CDH18: variants seen among roughly 807,000 people sequenced by gnomAD.
The protein encoded by CDH18 is cadherin-18.
In CDH18, 31 loss-of-function variants were observed where a neutral mutation model predicts 67.9. The observed-to-expected ratio is 0.46, with a 90% confidence interval of 0.34 to 0.62. The LOEUF (loss-of-function observed/expected upper bound fraction) is 0.62. Ranked by LOEUF, CDH18 falls within the 20% of genes least tolerant of loss-of-function variation. The pLI is 0.01. For synonymous variants in CDH18, 362 were observed against 347.2 expected (o/e 1.04, Z -0.48); for missense variants, 890 against 975.5 (o/e 0.91, Z 1.17).
At chr5:19,983,936 TA>T (rs1479225878) in intron 1 of CDH18, among the ~76,000 whole-genome samples, 1 of 152,172 alleles carries the variant, frequency 6.6e-6, no homozygotes, top group African/African-American at 2.4e-5. Flanking sequence ...CTAAATATGG[TA>T]GGGACACCCA....
chr5:19,722,895 A>C (rs944894929), intron 4 of CDH18, among the ~76,000 whole-genome samples: 1 of 152,128 alleles, frequency 6.6e-6, no homozygotes, highest in Admixed American at 6.6e-5. Flanking sequence ...TTTAGTAATT[A>C]TGTCAATGAC....
At chr5:19,564,868 A>C (rs1740082928) in intron 8 of CDH18, among the ~76,000 whole-genome samples, 1 of 151,798 alleles carries the variant, frequency 6.6e-6, no homozygotes, top group Non-Finnish European at 1.5e-5. Flanking sequence ...GGCAGTGTTC[A>C]GCACAAGCTG....
chr5:20,088,865 T>C (rs1482331767), intron 2 of CDH18, among the ~76,000 whole-genome samples: 1 of 152,148 alleles, frequency 6.6e-6, no homozygotes, highest in Non-Finnish European at 1.5e-5. Context: ...TGTCTTTAAT[T>C]TTGTTCTGAT....
intron 2 of CDH18, among the ~76,000 whole-genome samples, chr5:20,204,360 A>G (rs995261851): frequency 6.6e-6 from 1 of 151,012 alleles, no homozygotes; most frequent in Non-Finnish European, 1.5e-5. Context: ...TGTATTAAGG[A>G]AAAAAAAAGT....
At chr5:20,340,845 A>G (rs1048855696) in intron 1 of CDH18, among the ~76,000 whole-genome samples, 17 of 152,172 alleles carry the variant, frequency 1.1e-4, no homozygotes, top group African/African-American at 3.6e-4. Flanking sequence ...TCCTCAACCC[A>G]TAAGTTGGAG....
At position 19,994,592 on chromosome 5, in the gene CDH18, TCCCAAC is replaced by T. The variant is rs1735733644; in HGVS notation, c.-517-2584_-517-2579del. ...CAAAACTCATGATTACTTTATTGCT[TCCCAAC>T]ACCACTAGTGAGGAGTAAAAGATTA... On this transcript the variant is annotated intron_variant, in intron 2 of 14. Coordinates refer to the CDH18 transcript ENST00000507958. Among the ~76,000 whole-genome samples the T allele has an allele frequency of 4.0e-5, 6 of 148,214 alleles. 1 individual carries two copies. The South Asian group carries it at 1.3e-3, about 31-fold the overall frequency.
At chr5:19,606,440 A>G (rs984484223) in intron 6 of CDH18, among the ~76,000 whole-genome samples, 2 of 152,120 alleles carry the variant, frequency 1.3e-5, no homozygotes, top group African/African-American at 4.8e-5. Flanking sequence ...TAAATAAAGA[A>G]AAGGGTGGGG....
chr5:19,686,139 C>T (rs1353997943), intron 5 of CDH18, among the ~76,000 whole-genome samples: 1 of 151,798 alleles, frequency 6.6e-6, no homozygotes, highest in Non-Finnish European at 1.5e-5. Context: ...TGATATAATG[C>T]AAAATATATA....
chr5:19,970,467 A>G lies in CDH18; in HGVS notation c.-257+10593T>C, dbSNP rs546892782. ...TTTGCAGGAATATTTTTCATTTAAG[A>G]TCACAAGTGAAAAATCAAAATTTTA... On this transcript the variant is annotated intron_variant, in intron 2 of 12. Coordinates refer to ENST00000382275, the MANE Select transcript of CDH18 (RefSeq NM_004934.5). 4.1e-4 allele frequency among the ~76,000 whole-genome samples: 62 copies of G among 151,626 alleles called. 1 individual carries two copies. The highest frequency in any genetic ancestry group is 1.3e-3 in the African/African-American group (56 of 41,502).
At chr5:20,338,099 T>C (rs1580786705) in intron 1 of CDH18, among the ~76,000 whole-genome samples, 1 of 152,276 alleles carries the variant, frequency 6.6e-6, no homozygotes, top group Middle Eastern at 3.4e-3. Context: ...TACCACTGGG[T>C]CCCTCCAACA....
chr5:19,553,125 A>C (rs950142711), intron 8 of CDH18, among the ~76,000 whole-genome samples: 4 of 152,174 alleles, frequency 2.6e-5, no homozygotes, highest in Non-Finnish European at 5.9e-5. Flanking sequence ...TACTTTAAAC[A>C]AACCATGCAG....
intron 7 of CDH18, among the ~76,000 whole-genome samples, chr5:19,590,287 A>G (rs1013639604): frequency 6.6e-6 from 1 of 152,134 alleles, no homozygotes; most frequent in Non-Finnish European, 1.5e-5. Flanking sequence ...TTGATATTTT[A>G]TATGTACCAG....
chr5:19,643,865 C>A (rs1260405041), intron 5 of CDH18, among the ~76,000 whole-genome samples: 1 of 152,132 alleles, frequency 6.6e-6, no homozygotes, highest in Non-Finnish European at 1.5e-5. Flanking sequence ...CAAAAGGTAA[C>A]TTTCACATGA....
intron 2 of CDH18, among the ~76,000 whole-genome samples, chr5:20,097,524 T>C (rs1398692593): frequency 1.3e-5 from 2 of 152,116 alleles, no homozygotes; most frequent in African/African-American, 2.4e-5. Context: ...TTCAGACATG[T>C]GGGGATTATG....
intron 1 of CDH18, among the ~76,000 whole-genome samples, chr5:20,568,864 A>T (rs1307748737): frequency 6.6e-6 from 1 of 152,162 alleles, no homozygotes. Context: ...CAATATTAAC[A>T]TCTTTTAAAT....
chr5:19,653,590 A>G (rs1401315180), intron 5 of CDH18, among the ~76,000 whole-genome samples: 1 of 152,260 alleles, frequency 6.6e-6, no homozygotes, highest in East Asian at 1.9e-4. Context: ...TTTTACATCA[A>G]AGAAATCTGG....
At chr5:20,306,797 G>C (rs906368715) in intron 1 of CDH18, among the ~76,000 whole-genome samples, 1 of 151,898 alleles carries the variant, frequency 6.6e-6, no homozygotes, top group Non-Finnish European at 1.5e-5. Context: ...ATCAGTGATT[G>C]ATATATTACT....
chr5:19,648,581 T>C (rs927579036), intron 5 of CDH18, among the ~76,000 whole-genome samples: 2 of 151,096 alleles, frequency 1.3e-5, no homozygotes, highest in Admixed American at 6.6e-5. Flanking sequence ...ATTAATTCTA[T>C]CTCTTTTTTT....
chr5:20,379,995 A>G lies in CDH18; in HGVS notation c.-579-124490T>C, dbSNP rs184934506. 7.4e-4 allele frequency among the ~76,000 whole-genome samples: 113 copies of G among 152,202 alleles called. 1 individual carries two copies. In the Middle Eastern group the frequency reaches 0.01, roughly 14 times the overall value. On this transcript the variant is annotated intron_variant, in intron 1 of 14. Transcript: ENST00000507958. Reference sequence around the variant, plus strand: ...CAATATCTGAATTCCATAAAGCATCATAAGTGTTTTATTGTTTTCGTTCAG... The same window carrying G: ...CAATATCTGAATTCCATAAAGCATCGTAAGTGTTTTATTGTTTTCGTTCAG...
Sources: allele counts gnomAD v4.1 joint callset (sites outside exome capture counted in the v4.1 genomes callset), GRCh38; gene constraint gnomAD v4.1.1; transcripts MANE v1.5; gene names NCBI Gene and HGNC (gene_info 2026-07-23, HGNC 2026-07-21).